The following MCTP2 variants were observed in gnomAD, a reference collection of about 807,000 sequenced individuals.
MCTP2 encodes the protein multiple C2 and transmembrane domain containing 2.
MCTP2 carries 132 observed loss-of-function variants against 111.6 expected under a neutral mutation model. That is an observed-to-expected ratio of 1.18 (90% CI 1.03 to 1.37). The LOEUF (loss-of-function observed/expected upper bound fraction) is 1.37. MCTP2 is among the 40% of genes most tolerant of loss of function. The pLI, the probability that MCTP2 is intolerant of heterozygous loss-of-function variation, is 0.00. For missense variants in MCTP2, 1,183 were observed against 1,067.9 expected (o/e 1.11, Z -1.50); for synonymous variants, 395 against 387.7 (o/e 1.02, Z -0.22).
chr15:94,430,777 A>G (rs1274436220), intron 17 of MCTP2, among the ~76,000 whole-genome samples: 1 of 148,574 alleles, frequency 6.7e-6, no homozygotes, highest in African/African-American at 2.6e-5. Context: ...AAAAATAAAC[A>G]AAACACTGGA....
chr15:94,245,252 GTA>G (rs1275005368), intron 1 of MCTP2, among the ~76,000 whole-genome samples: 8 of 136,042 alleles, frequency 5.9e-5, no homozygotes, highest in Non-Finnish European at 1.3e-4. Flanking sequence ...ATACACATAT[GTA>G]TATATACATA....
intron 1 of MCTP2, among the ~76,000 whole-genome samples, chr15:94,238,665 T>C (rs982396166): frequency 5.9e-5 from 9 of 152,140 alleles, no homozygotes; most frequent in African/African-American, 2.2e-4. Context: ...CACAAGTGAT[T>C]ACAATGAAGC....
chr15:94,317,188 T>A (rs2076413784), intron 4 of MCTP2, among the ~76,000 whole-genome samples: 2 of 152,228 alleles, frequency 1.3e-5, no homozygotes, highest in South Asian at 4.1e-4. Context: ...GGATATCAGT[T>A]TAATGTATTG....
chr15:94,257,566 G>GTTTTTTTTTTTTTTTTTTTTTTTTTT (rs1220635423), intron 1 of MCTP2, among the ~76,000 whole-genome samples: 4 of 73,006 alleles, frequency 5.5e-5, no homozygotes, highest in Non-Finnish European at 5.3e-5. Context: ...CATTTTCTTT[G>GTTTTTTTTTTTTTTTTTTTTTTTTTT]TTGTTTTTTT....
intron 8 of MCTP2, among the ~76,000 whole-genome samples, chr15:94,347,402 C>T (rs1307731595): frequency 6.6e-6 from 1 of 152,110 alleles, no homozygotes; most frequent in Non-Finnish European, 1.5e-5. Context: ...CTAAAAATAT[C>T]ATTAGCTTTT....
intron 1 of MCTP2, among the ~76,000 whole-genome samples, chr15:94,275,888 C>A (rs1206106418): frequency 7.5e-6 from 1 of 132,460 alleles, no homozygotes; most frequent in Non-Finnish European, 1.6e-5. Flanking sequence ...CGCTCTGTTT[C>A]CCAGGCTGGA....
At chr15:94,283,552 G>C (rs2074604838) in intron 1 of MCTP2, among the ~76,000 whole-genome samples, 1 of 152,148 alleles carries the variant, frequency 6.6e-6, no homozygotes, top group Non-Finnish European at 1.5e-5. Flanking sequence ...ACCACTCCAT[G>C]CCTATTTCAT....
chr15:94,253,406 C>T lies in MCTP2; in HGVS notation c.-66+21742C>T, dbSNP rs140884999. Among the ~76,000 whole-genome samples, 4 of 152,292 alleles carry T rather than the reference C, an allele frequency of 2.6e-5. No homozygotes were observed. The East Asian group carries it at 7.7e-4, about 29-fold the overall frequency. On this transcript the variant is annotated intron_variant, in intron 1 of 22. Coordinates refer to ENST00000357742, the MANE Select transcript of MCTP2 (RefSeq NM_001385001.1). ...CCTATCTAGGCAACTTAAACACCTGCTGCTGCCTGCTCCCTATTCCTCTCC... is the reference window on the plus strand; with the variant it reads ...CCTATCTAGGCAACTTAAACACCTGTTGCTGCCTGCTCCCTATTCCTCTCC...
chr15:94,358,802 A>G (rs766663906), intron 10 of MCTP2, among the ~76,000 whole-genome samples, 190 bp downstream of exon 10: 4 of 152,186 alleles, frequency 2.6e-5, no homozygotes, highest in Admixed American at 6.5e-5. Context: ...TTAATTGGGA[A>G]ATGTCATTCA....
intron 17 of MCTP2, among the ~76,000 whole-genome samples, chr15:94,438,305 T>C (rs767314732): frequency 2.6e-5 from 4 of 152,118 alleles, no homozygotes; most frequent in Non-Finnish European, 4.4e-5. Flanking sequence ...TAGGAACATT[T>C]TTATTTTGTT....
At chr15:94,314,858 C>T (rs1000016296) in intron 3 of MCTP2, 11 of 442,766 alleles carry the variant, frequency 2.5e-5, no homozygotes, top group Admixed American at 1.5e-4. Flanking sequence ...GACTGAGTTG[C>T]GGGAAGGTGA....
intron 12 of MCTP2, among the ~76,000 whole-genome samples, chr15:94,370,398 A>G (rs1465594880): frequency 6.6e-6 from 1 of 152,218 alleles, no homozygotes; most frequent in African/African-American, 2.4e-5. Context: ...ATGCTGATTC[A>G]GTAATATTCA....
intron 1 of MCTP2, among the ~76,000 whole-genome samples, chr15:94,249,096 G>A (rs2072221195): frequency 6.6e-6 from 1 of 152,170 alleles, no homozygotes; most frequent in African/African-American, 2.4e-5. Context: ...TGACAAACAT[G>A]ATAATATTTT....
intron 1 of MCTP2, among the ~76,000 whole-genome samples, chr15:94,289,663 C>T (rs2074942880): frequency 6.6e-6 from 1 of 152,076 alleles, no homozygotes; most frequent in Non-Finnish European, 1.5e-5. Flanking sequence ...TGGTCTGATA[C>T]AAATTTTCAC....
chr15:94,450,762 TCA>T (rs2084395918), intron 19 of MCTP2, among the ~76,000 whole-genome samples: 1 of 152,212 alleles, frequency 6.6e-6, no homozygotes, highest in Non-Finnish European at 1.5e-5. Context: ...CAAATACTAC[TCA>T]GTTTTTAAGC....
At chr15:94,236,002 C>T (rs2070513751) in intron 1 of MCTP2, among the ~76,000 whole-genome samples, 1 of 152,192 alleles carries the variant, frequency 6.6e-6, no homozygotes, top group Admixed American at 6.5e-5. Flanking sequence ...GTCATTTACT[C>T]CTGATGCAGA....
At chr15:94,281,462 G>A (rs80034460) in intron 1 of MCTP2, among the ~76,000 whole-genome samples, 6,604 of 152,222 alleles carry the variant, frequency 0.043, 500 homozygotes, top group African/African-American at 0.15. Context: ...TGGCAGTTGA[G>A]ATGGGTCTCT....
chr15:94,374,358 G>A (rs1596504669), intron 12 of MCTP2, among the ~76,000 whole-genome samples: 1 of 152,186 alleles, frequency 6.6e-6, no homozygotes, highest in African/African-American at 2.4e-5. Flanking sequence ...TGAAGAGTAG[G>A]AAACTATATT....
At chr15:94,372,528 C>T (rs145785810) in intron 12 of MCTP2, among the ~76,000 whole-genome samples, 62 of 152,286 alleles carry the variant, frequency 4.1e-4, no homozygotes, top group Admixed American at 7.8e-4. Context: ...TCGTGGCCTA[C>T]GGTGGGGATC....
Sources: allele counts gnomAD v4.1 joint callset (sites outside exome capture counted in the v4.1 genomes callset), GRCh38; gene constraint gnomAD v4.1.1; transcripts MANE v1.5; gene names NCBI Gene and HGNC (gene_info 2026-07-23, HGNC 2026-07-21).